The following NCAPG2 variants were observed in gnomAD, a reference collection of about 807,000 sequenced individuals.
NCAPG2 encodes condensin-2 complex subunit G2.
A neutral mutation model predicts 141.1 loss-of-function variants in NCAPG2; 53 were observed. The observed-to-expected ratio is 0.38, with a 90% CI of 0.30 to 0.47. The LOEUF (loss-of-function observed/expected upper bound fraction) is 0.47, where lower values mean the gene tolerates loss of function less well. Ranked by LOEUF, NCAPG2 falls within the 20% of genes least tolerant of loss-of-function variation. NCAPG2 has a pLI of 0.99. For synonymous variants in NCAPG2, 499 were observed against 490.7 expected (o/e 1.02, Z -0.22); for missense variants, 1,087 against 1,389.0 (o/e 0.78, Z 3.46).
intron 27 of NCAPG2, among the ~76,000 whole-genome samples, chr7:158,635,110 A>G (rs1830100209): frequency 6.6e-6 from 1 of 152,206 alleles, no homozygotes; most frequent in Non-Finnish European, 1.5e-5. Context: ...TTTTTGAGAA[A>G]AACCGTAAGA....
rs1302960979 is a variant in NCAPG2 at position 158,644,899 on chromosome 7, T to C, written c.3281-511A>G. 3.9e-5 allele frequency among the ~76,000 whole-genome samples: 6 copies of C among 152,178 alleles called. No homozygotes were observed. In the East Asian group the frequency reaches 1.2e-3, roughly 29 times the overall value. On this transcript the variant is annotated intron_variant, in intron 26 of 27. Transcript: ENST00000356309. ...GGCTTACAGGGAGAGTTTGTTTCAATAGAAGCACTCCCTATCTACAATGTA... is the reference window on the plus strand; with the variant it reads ...GGCTTACAGGGAGAGTTTGTTTCAACAGAAGCACTCCCTATCTACAATGTA...
intron 7 of NCAPG2, 127 bp downstream of exon 7, chr7:158,687,221 G>T: frequency 1.9e-6 from 1 of 531,140 alleles, no homozygotes. Flanking sequence ...GTGATCCAAT[G>T]GTACATAATA....
chr7:158,656,325 C>T lies in NCAPG2; in HGVS notation c.2323G>A (p.Glu775Lys), dbSNP rs1385261211. The change falls in exon 19 of 28, where the codon GAG becomes AAG. Residue 775 changes from glutamate to lysine, a missense_variant. Transcript: ENST00000356309. ...EYLLTHPKNR[E>K]CLLSAPRKKL... ...TTCCGAGGAGCAGAGAGCAAGCACT[C>T]GCGGTTCTTTGGATGAGTCAGCAGA... 1.9e-6 allele frequency: 3 copies of T among 1,614,150 alleles called. No individual in the cohort carries two copies. Among genetic ancestry groups the T allele is most frequent in the Admixed American group, 1.7e-5 (1 of 60,016 alleles).
intron 8 of NCAPG2, 32 bp from the exon 9 acceptor site, chr7:158,683,418 G>A (rs1834561452): frequency 6.8e-7 from 1 of 1,476,044 alleles, no homozygotes; most frequent in Non-Finnish European, 9.3e-7. Flanking sequence ...AAAGCACTTG[G>A]TGTGTGTGTG....
rs750885086 is a variant in NCAPG2 at position 158,655,428 on chromosome 7, G to T, written c.2416C>A (p.Pro806Thr). The T allele has an allele frequency of 1.7e-5, 27 of 1,613,966 alleles. No homozygotes were observed. Among genetic ancestry groups the T allele is most frequent in the Middle Eastern group, 1.6e-4 (1 of 6,084 alleles). ...CTGAAGCCACGAGGCTTCCCACCCG[G>T]TGTCTGCAGAAGTGACTCCAGATCT... ...KADLESLLQT[P>T]GGKPRGFSEA... The change falls in exon 20 of 28, where the codon CCG becomes ACG. Residue 806 changes from proline (P) to threonine (T), a missense_variant. Physicochemically the swap from Pro to Thr is conservative, Grantham distance 38. Coordinates refer to ENST00000356309, the MANE Select transcript of NCAPG2 (RefSeq NM_017760.7).
intron 1 of NCAPG2, among the ~76,000 whole-genome samples, chr7:158,703,413 C>T (rs1835931536): frequency 2.0e-5 from 3 of 152,336 alleles, no homozygotes; most frequent in Admixed American, 2.0e-4. Flanking sequence ...TGCTCTATTT[C>T]CAAGTGTACC....
chr7:158,655,574 G>C, intron 19 of NCAPG2, 119 bp from the exon 20 acceptor site: 1 of 701,496 alleles, frequency 1.4e-6, no homozygotes, highest in Middle Eastern at 2.6e-4. Flanking sequence ...CCCCGCTCTG[G>C]TGAAGCCCAG....
rs138348395 is a variant in NCAPG2 at position 158,650,320 on chromosome 7, C to T, written c.3075+512G>A. On this transcript the variant is annotated intron_variant, in intron 24 of 27. Transcript: ENST00000356309. Reference sequence around the variant, plus strand: ...TCCACCTCCCAAAGTGCTGGGATTACAGGCATGAGCCACTGCGCCCAGTCT... The same window carrying T: ...TCCACCTCCCAAAGTGCTGGGATTATAGGCATGAGCCACTGCGCCCAGTCT... Among the ~76,000 whole-genome samples the T allele has an allele frequency of 1.4e-4, 21 of 152,308 alleles. 1 individual carries two copies. Among genetic ancestry groups the T allele is most frequent in the African/African-American group, 4.6e-4 (19 of 41,570 alleles).
intron 13 of NCAPG2, chr7:158,668,384 C>CG (rs1563543543): frequency 2.0e-6 from 2 of 978,770 alleles, no homozygotes; most frequent in African/African-American, 3.5e-5. Context: ...TGGGTCCCTC[C>CG]GCCCTCCTTA....
chr7:158,675,444 T>C (rs779323422), intron 12 of NCAPG2, 33 bp downstream of exon 12: 3 of 1,509,332 alleles, frequency 2.0e-6, no homozygotes, highest in Admixed American at 4.7e-5. Flanking sequence ...CTACAACAAA[T>C]AAACATTACT....
chr7:158,673,948 C>T (rs1471710635), intron 12 of NCAPG2, among the ~76,000 whole-genome samples: 5 of 152,250 alleles, frequency 3.3e-5, no homozygotes, highest in Admixed American at 6.5e-5. Flanking sequence ...ATGTGAAATT[C>T]ACCTTGGCTA....
intron 27 of NCAPG2, among the ~76,000 whole-genome samples, chr7:158,632,467 A>T (rs772099250): frequency 2.6e-5 from 4 of 152,144 alleles, no homozygotes; most frequent in Non-Finnish European, 5.9e-5. Flanking sequence ...ATTACAGGGC[A>T]CTCCAAAGCA....
intron 16 of NCAPG2, among the ~76,000 whole-genome samples, chr7:158,660,548 TG>T (rs1832417570): frequency 6.6e-6 from 1 of 151,980 alleles, no homozygotes; most frequent in Non-Finnish European, 1.5e-5. Flanking sequence ...CCTGCATAGC[TG>T]GGACCAAAAG....
rs945928092 is a variant in NCAPG2 at position 158,660,401 on chromosome 7, C to CTTTTTTTTTTTTTTTTTTTTTTTTT, written c.1989+1768_1989+1792dup. On this transcript the variant is annotated intron_variant, in intron 16 of 27. Coordinates refer to ENST00000356309, the MANE Select transcript of NCAPG2 (RefSeq NM_017760.7). ...AGTCCCAGGTCATTATTTCAGCTTT[C>CTTTTTTTTTTTTTTTTTTTTTTTTT]TTTTTTTTTTTTTTTTTTTTTTTTT... Among the ~76,000 whole-genome samples the CTTTTTTTTTTTTTTTTTTTTTTTTT allele has an allele frequency of 3.8e-4, 28 of 72,810 alleles. 1 individual carries two copies. The highest frequency in any genetic ancestry group is 1.3e-3 in the East Asian group (2 of 1,524). 47.8% of individuals were successfully genotyped at this position (72,810 alleles called of 152,430 possible). A position where few individuals can be genotyped will look rare whatever the true frequency, so the allele number is the denominator to read the frequency against.
intron 24 of NCAPG2, among the ~76,000 whole-genome samples, chr7:158,650,253 G>T (rs1367518112): frequency 1.3e-5 from 2 of 152,066 alleles, no homozygotes; most frequent in African/African-American, 2.4e-5. Context: ...CATCATGTTG[G>T]CCAGGCTGGT....
chr7:158,658,228 A>T, intron 17 of NCAPG2, 110 bp downstream of exon 17: 1 of 943,430 alleles, frequency 1.1e-6, no homozygotes, highest in South Asian at 2.5e-5. Flanking sequence ...GGAAGAGGCC[A>T]CAGTGAGCTG....
rs1193128162 is a variant in NCAPG2 at position 158,679,972 on chromosome 7, A to G, written c.1134T>C (p.Phe378=). 1.2e-6 allele frequency: 2 copies of G among 1,614,116 alleles called. No homozygotes were observed. Among genetic ancestry groups the G allele is most frequent in the Non-Finnish European group, 1.7e-6 (2 of 1,179,998 alleles). The change falls in exon 11 of 28, where the codon TTT becomes TTC. Residue 378 remains phenylalanine, a synonymous_variant. Transcript: ENST00000356309. ...IEMDSEIQKQ[F]EELYSLLEDP... Reference sequence around the variant, plus strand: ...CTGAAGTACGTACATAGAGCTCTTCAAACTGTTTCTGGATTTCACTATCCA... The same window carrying G: ...CTGAAGTACGTACATAGAGCTCTTCGAACTGTTTCTGGATTTCACTATCCA...
intron 17 of NCAPG2, 77 bp from the exon 18 acceptor site, chr7:158,656,782 C>G: frequency 6.6e-7 from 1 of 1,515,610 alleles, no homozygotes; most frequent in Non-Finnish European, 8.9e-7. Flanking sequence ...TGAGGAAAAC[C>G]AAGAAGCTAA....
Position 158,654,591 on chromosome 7 carries a change from G to A in NCAPG2, c.2746+4C>T, listed in dbSNP as rs1490001943. The A allele has an allele frequency of 1.2e-6, 2 of 1,613,442 alleles. No homozygotes were observed. The highest frequency in any genetic ancestry group is 2.2e-5 in the East Asian group (1 of 44,856). On this transcript the variant is annotated splice_donor_region_variant and intron_variant, in intron 22 of 27. Coordinates refer to ENST00000356309, the MANE Select transcript of NCAPG2 (RefSeq NM_017760.7). ...TTATTGCTCTAAAACAGCCCTGACT[G>A]TACCTGTTTGCATGATTCCAAGACT...
Sources: gnomAD v4.1 joint callset for allele counts (sites outside exome capture counted in the v4.1 genomes callset) on GRCh38, gnomAD v4.1.1 for gene constraint, MANE v1.5 for transcripts, NCBI Gene and HGNC (gene_info 2026-07-23, HGNC 2026-07-21) for gene names.